Variants in ZNF804B observed in about 807,000 individuals in gnomAD.
ZNF804B encodes zinc finger 804B.
A neutral mutation model predicts 101.4 loss-of-function variants in ZNF804B; 80 were observed. That is an observed-to-expected ratio of 0.79 (90% CI 0.66 to 0.95). The LOEUF is 0.95. Among genes scored for constraint, ZNF804B ranks in the 40% least tolerant of loss-of-function variants. ZNF804B has a pLI of 0.00. For missense variants in ZNF804B, 1,673 were observed against 1,561.9 expected, an observed-to-expected ratio of 1.07 and a Z score of -1.20; for synonymous variants, 622 against 558.8, an observed-to-expected ratio of 1.11 and a Z score of -1.59.
chr7:89,248,525 T>C (rs1789486436), intron 2 of ZNF804B, among the ~76,000 whole-genome samples: 1 of 150,530 alleles, frequency 6.6e-6, no homozygotes, highest in Non-Finnish European at 1.5e-5. Context: ...AAGAATTTCA[T>C]ATCCTCCCAA....
At chr7:89,157,985 TA>T (rs1791002205) in intron 1 of ZNF804B, among the ~76,000 whole-genome samples, 1 of 152,216 alleles carries the variant, frequency 6.6e-6, no homozygotes, top group Non-Finnish European at 1.5e-5. Flanking sequence ...ACAATTATTG[TA>T]AAGTAATAGC....
rs1469967378 is a variant in ZNF804B at position 88,767,352 on chromosome 7, A to C, written c.108+7268A>C. ...TCCCACAGCTATTACTCAGCACTTCACTTGTCCTGTGTACTTCTCAGCACC... is the reference window on the plus strand; with the variant it reads ...TCCCACAGCTATTACTCAGCACTTCCCTTGTCCTGTGTACTTCTCAGCACC... On this transcript the variant is annotated intron_variant, in intron 1 of 3. Coordinates refer to ENST00000333190, the MANE Select transcript of ZNF804B (RefSeq NM_181646.5). Among the ~76,000 whole-genome samples, 4 of 152,032 alleles carry C rather than the reference A, an allele frequency of 2.6e-5. No homozygotes were observed. The East Asian group carries it at 7.7e-4, about 29-fold the overall frequency.
intron 1 of ZNF804B, among the ~76,000 whole-genome samples, chr7:88,840,715 C>T (rs1372477190): frequency 6.6e-6 from 1 of 152,042 alleles, no homozygotes; most frequent in Non-Finnish European, 1.5e-5. Flanking sequence ...CTAGATTGGA[C>T]ATACAGAAAA....
chr7:89,168,068 C>T (rs1791170586), intron 1 of ZNF804B, among the ~76,000 whole-genome samples: 1 of 151,970 alleles, frequency 6.6e-6, no homozygotes. Context: ...ATTAGGGACA[C>T]TAACTGTCTT....
intron 2 of ZNF804B, among the ~76,000 whole-genome samples, chr7:89,282,195 C>T (rs1325583871): frequency 2.4e-5 from 2 of 83,000 alleles, no homozygotes; most frequent in African/African-American, 1.2e-4. Context: ...AGCGAGACTC[C>T]GTCTAAAAAA....
intron 1 of ZNF804B, among the ~76,000 whole-genome samples, chr7:89,086,500 G>A (rs1017866835): frequency 6.6e-6 from 1 of 151,916 alleles, no homozygotes; most frequent in Admixed American, 6.6e-5. Context: ...TGTCTGGTTA[G>A]TGGAAATAAT....
At chr7:89,080,524 T>C (rs1789681430) in intron 1 of ZNF804B, among the ~76,000 whole-genome samples, 1 of 151,918 alleles carries the variant, frequency 6.6e-6, no homozygotes, top group African/African-American at 2.4e-5. Context: ...AAACATTTCT[T>C]CTTCTATATT....
rs1156331037 is a variant in ZNF804B, at chr7:88,759,843, C to T, written c.-134C>T. The T allele has an allele frequency of 2.9e-6, 2 of 689,800 alleles. No homozygotes were observed. Among genetic ancestry groups the T allele is most frequent in the African/African-American group, 1.8e-5 (1 of 55,648 alleles). The allele number at this position is 689,800 out of a possible 1,614,324, so 42.7% of individuals were successfully genotyped here. A position where few individuals can be genotyped will look rare whatever the true frequency, so the allele number is the denominator to read the frequency against. On this transcript the variant is annotated 5_prime_UTR_variant, in exon 1 of 4. Transcript: ENST00000333190. ...GCGCGGAGCAGGGACGCGCTGCCAC[C>T]GCCTCCCCCTGCGTCCTGCTGGCCG...
intron 1 of ZNF804B, among the ~76,000 whole-genome samples, chr7:88,928,037 C>G (rs1453102453): frequency 2.0e-5 from 3 of 152,054 alleles, no homozygotes; most frequent in Non-Finnish European, 1.5e-5. Context: ...CTCTAAGTTT[C>G]TTGGTCTACT....
Position 89,321,003 on chromosome 7 carries a change from A to G in ZNF804B, c.250-6341A>G, listed in dbSNP as rs756779627. ...TGTTAGGAAATACAAAAGTTCCTTT[A>G]AAAGTATTCTTAACATATGATTTTT... On this transcript the variant is annotated intron_variant, in intron 2 of 3. Transcript: ENST00000333190. Among the ~76,000 whole-genome samples, 8 of 152,320 alleles carry G rather than the reference A, an allele frequency of 5.3e-5. No homozygotes were observed. The South Asian group carries it at 8.3e-4, about 16-fold the overall frequency.
At chr7:89,253,700 G>A (rs7810246) in intron 2 of ZNF804B, among the ~76,000 whole-genome samples, 18,556 of 151,740 alleles carry the variant, frequency 0.12, 1,219 homozygotes, top group Middle Eastern at 0.25. Flanking sequence ...AAAGACGACA[G>A]AAACAGAAGA....
At chr7:88,960,288 C>G (rs1297575090) in intron 1 of ZNF804B, among the ~76,000 whole-genome samples, 1 of 151,286 alleles carries the variant, frequency 6.6e-6, no homozygotes, top group African/African-American at 2.4e-5. Flanking sequence ...AATGCTCAGT[C>G]TACTGGTTGG....
At chr7:89,001,978 CAT>C (rs1461948794) in intron 1 of ZNF804B, among the ~76,000 whole-genome samples, 1 of 151,244 alleles carries the variant, frequency 6.6e-6, no homozygotes, top group Non-Finnish European at 1.5e-5. Context: ...TATTTTAAAA[CAT>C]AAAAATCAAA....
chr7:88,764,928 T>C (rs918485955), intron 1 of ZNF804B, among the ~76,000 whole-genome samples: 1 of 152,200 alleles, frequency 6.6e-6, no homozygotes, highest in African/African-American at 2.4e-5. Flanking sequence ...ACAATTCTTA[T>C]AATACATGTT....
intron 1 of ZNF804B, among the ~76,000 whole-genome samples, chr7:89,177,658 T>C (rs1239190026): frequency 6.6e-6 from 1 of 152,220 alleles, no homozygotes; most frequent in East Asian, 1.9e-4. Context: ...TAGGTTTCTT[T>C]GTTGATTATC....
At chr7:88,839,419 T>G (rs1041629781) in intron 1 of ZNF804B, among the ~76,000 whole-genome samples, 1 of 151,920 alleles carries the variant, frequency 6.6e-6, no homozygotes, top group Non-Finnish European at 1.5e-5. Context: ...CCTAGTTTCC[T>G]TAGGAGGAAT....
At chr7:88,952,561 T>A (rs1043148080) in intron 1 of ZNF804B, among the ~76,000 whole-genome samples, 2 of 151,828 alleles carry the variant, frequency 1.3e-5, no homozygotes, top group Admixed American at 6.6e-5. Flanking sequence ...CAGGCTTTTA[T>A]AAATCTAATA....
intron 1 of ZNF804B, among the ~76,000 whole-genome samples, chr7:89,209,391 A>G (rs565130766): frequency 6.6e-6 from 1 of 152,338 alleles, no homozygotes; most frequent in Non-Finnish European, 1.5e-5. Flanking sequence ...AATTTTGTTT[A>G]TGTCTCATTC....
At chr7:89,270,241 T>A (rs1272832816) in intron 2 of ZNF804B, among the ~76,000 whole-genome samples, 1 of 152,214 alleles carries the variant, frequency 6.6e-6, no homozygotes, top group Non-Finnish European at 1.5e-5. Context: ...TTAATTTTTG[T>A]ATAAGGTGTA....
Sources: allele counts gnomAD v4.1 joint callset (sites outside exome capture counted in the v4.1 genomes callset), GRCh38; gene constraint gnomAD v4.1.1; transcripts MANE v1.5; gene names NCBI Gene and HGNC (gene_info 2026-07-23, HGNC 2026-07-21).